GPR39: variants seen among roughly 807,000 people sequenced by gnomAD.
The protein encoded by GPR39 is G protein-coupled receptor 39, also known as zinc sensing receptor.
A neutral mutation model predicts 18.4 loss-of-function variants in GPR39; 23 were observed. The observed-to-expected ratio is 1.25, with a 90% CI of 0.90 to 1.77. The LOEUF (loss-of-function observed/expected upper bound fraction) is 1.77. Ranked by LOEUF, GPR39 falls within the 40% of genes most tolerant of loss-of-function variation. The pLI is 0.00. For missense variants in GPR39, 647 were observed against 602.4 expected, an observed-to-expected ratio of 1.07 and a Z score of -0.78; for synonymous variants, 280 against 257.9, an observed-to-expected ratio of 1.09 and a Z score of -0.82.
intron 1 of GPR39, among the ~76,000 whole-genome samples, chr2:132,537,654 A>G (rs1679783277): frequency 1.3e-5 from 2 of 151,860 alleles, no homozygotes. Context: ...ACTTGGTTCC[A>G]TTCTCTCCAT....
At chr2:132,522,902 C>G (rs1679449980) in intron 1 of GPR39, among the ~76,000 whole-genome samples, 1 of 152,218 alleles carries the variant, frequency 6.6e-6, no homozygotes, top group South Asian at 2.1e-4. Flanking sequence ...TTCCTTAATG[C>G]CTGAAAACTG....
At chr2:132,508,343 T>G (rs1018552440) in intron 1 of GPR39, among the ~76,000 whole-genome samples, 6 of 152,068 alleles carry the variant, frequency 3.9e-5, no homozygotes, top group Non-Finnish European at 8.8e-5. Flanking sequence ...TCAACCCCCT[T>G]CTCTCCTGAG....
chr2:132,424,578 T>C (rs1207269138), intron 1 of GPR39, among the ~76,000 whole-genome samples: 1 of 152,206 alleles, frequency 6.6e-6, no homozygotes, highest in Non-Finnish European at 1.5e-5. Context: ...TCTCTCCCTT[T>C]AATGTATCAT....
intron 1 of GPR39, among the ~76,000 whole-genome samples, chr2:132,621,431 G>A (rs1681439242): frequency 6.6e-6 from 1 of 152,180 alleles, no homozygotes; most frequent in South Asian, 2.1e-4. Flanking sequence ...CACACAGAGG[G>A]TGTCAGCCAC....
chr2:132,425,333 T>C (rs552436108), intron 1 of GPR39, among the ~76,000 whole-genome samples: 11 of 152,280 alleles, frequency 7.2e-5, no homozygotes, highest in African/African-American at 2.6e-4. Context: ...CCCTTCACTG[T>C]TGTACATCTT....
intron 1 of GPR39, among the ~76,000 whole-genome samples, chr2:132,591,982 C>T (rs967057276): frequency 1.3e-5 from 2 of 152,148 alleles, no homozygotes; most frequent in African/African-American, 4.8e-5. Flanking sequence ...TCATTCCCAT[C>T]AACAATGAAT....
At chr2:132,435,321 C>T (rs1680293751) in intron 1 of GPR39, among the ~76,000 whole-genome samples, 1 of 152,148 alleles carries the variant, frequency 6.6e-6, no homozygotes. Flanking sequence ...TCAGCCTATT[C>T]AACATGAAGA....
chr2:132,453,083 T>G (rs904157867), intron 1 of GPR39, among the ~76,000 whole-genome samples: 1 of 152,164 alleles, frequency 6.6e-6, no homozygotes, highest in Non-Finnish European at 1.5e-5. Flanking sequence ...TTGAAGTAAT[T>G]TACACTCCCA....
chr2:132,553,891 G>A (rs1166135981), intron 1 of GPR39, among the ~76,000 whole-genome samples: 1 of 152,170 alleles, frequency 6.6e-6, no homozygotes, highest in Admixed American at 6.5e-5. Flanking sequence ...TCAGGGGCTG[G>A]TGGTCCCTGA....
In GPR39 at chr2:132,425,447, A is replaced by G. The variant is rs374136215; in HGVS notation, c.856+7549A>G. Among the ~76,000 whole-genome samples the G allele has an allele frequency of 2.0e-5, 3 of 152,138 alleles. No individual in the cohort carries two copies. In the East Asian group the frequency reaches 5.8e-4, roughly 29 times the overall value. On this transcript the variant is annotated intron_variant, in intron 1 of 1. Coordinates refer to ENST00000329321, the MANE Select transcript of GPR39 (RefSeq NM_001508.3). ...GCTGCTGCTCCTGAAATGGAGGAAA[A>G]GCACCCTCACTGTGATCCTCAGGCA...
intron 1 of GPR39, among the ~76,000 whole-genome samples, chr2:132,546,554 G>A (rs2104790595): frequency 6.6e-6 from 1 of 152,186 alleles, no homozygotes; most frequent in Admixed American, 6.5e-5. Flanking sequence ...AAGAGAAGGG[G>A]CCTGGGGCTT....
At chr2:132,492,638 C>T (rs1374941646) in intron 1 of GPR39, among the ~76,000 whole-genome samples, 2 of 132,210 alleles carry the variant, frequency 1.5e-5, no homozygotes, top group African/African-American at 6.0e-5. Context: ...TATATACACA[C>T]CATCTATATA....
At chr2:132,448,605 T>G (rs1022970847) in intron 1 of GPR39, among the ~76,000 whole-genome samples, 2 of 152,200 alleles carry the variant, frequency 1.3e-5, no homozygotes, top group African/African-American at 4.8e-5. Flanking sequence ...AGTTTCCATG[T>G]TCCCTTGTTT....
chr2:132,584,051 T>G (rs772659923), intron 1 of GPR39, among the ~76,000 whole-genome samples: 5 of 152,006 alleles, frequency 3.3e-5, no homozygotes. Flanking sequence ...CATAAGTTGC[T>G]GCAGGTAGGA....
chr2:132,509,219 T>C (rs1679188840), intron 1 of GPR39, among the ~76,000 whole-genome samples: 1 of 152,198 alleles, frequency 6.6e-6, no homozygotes. Flanking sequence ...GAGTGGATAG[T>C]AACCAGCTCA....
intron 1 of GPR39, among the ~76,000 whole-genome samples, chr2:132,537,331 T>G (rs886468593): frequency 6.6e-6 from 1 of 152,194 alleles, no homozygotes; most frequent in Non-Finnish European, 1.5e-5. Flanking sequence ...TTATGAGGCT[T>G]AGTTTGACTG....
intron 1 of GPR39, among the ~76,000 whole-genome samples, chr2:132,586,221 A>G (rs1680729611): frequency 6.6e-6 from 1 of 152,002 alleles, no homozygotes; most frequent in African/African-American, 2.4e-5. Context: ...GGGAGAGGGG[A>G]GCAACAAAAA....
chr2:132,615,904 G>A (rs933212110), intron 1 of GPR39, among the ~76,000 whole-genome samples: 1 of 149,988 alleles, frequency 6.7e-6, no homozygotes. Flanking sequence ...GTCACGCACT[G>A]CACACCTGGC....
At chr2:132,563,758 G>T (rs1018141983) in intron 1 of GPR39, among the ~76,000 whole-genome samples, 1 of 152,178 alleles carries the variant, frequency 6.6e-6, no homozygotes, top group Admixed American at 6.5e-5. Context: ...CCCTGGCATT[G>T]TTTTGCTGTT....
Sources: gnomAD v4.1 joint callset for allele counts (sites outside exome capture counted in the v4.1 genomes callset) on GRCh38, gnomAD v4.1.1 for gene constraint, MANE v1.5 for transcripts, NCBI Gene and HGNC (gene_info 2026-07-23, HGNC 2026-07-21) for gene names.